SKAP2: variants seen among roughly 807,000 people sequenced by gnomAD.
The protein encoded by SKAP2 is src kinase-associated phosphoprotein 2.
SKAP2 carries 28 observed loss-of-function variants against 54.9 expected under a neutral mutation model. The ratio of observed to expected loss-of-function variants is 0.51; its 90% CI spans 0.38 to 0.70. The LOEUF (loss-of-function observed/expected upper bound fraction) is 0.70. SKAP2 is among the 30% of genes least tolerant of loss of function. SKAP2 has a pLI of 0.00. For missense variants in SKAP2, 356 were observed against 424.1 expected (o/e 0.84, Z 1.41); for synonymous variants, 137 against 134.3 (o/e 1.02, Z -0.14).
In SKAP2 at chr7:26,726,603, A is replaced by C. The variant is rs932799206; in HGVS notation, c.594+279T>G. 1.7e-5 allele frequency: 4 copies of C among 239,288 alleles called. No individual in the cohort carries two copies. The East Asian group carries it at 4.0e-4, about 24-fold the overall frequency. 14.8% of individuals were successfully genotyped at this position (239,288 alleles called of 1,614,324 possible). On this transcript the variant is annotated intron_variant, in intron 7 of 12. Coordinates refer to ENST00000345317, the MANE Select transcript of SKAP2 (RefSeq NM_003930.5). The stretch of plus-strand genomic sequence containing the variant: ...GGAAGATCACCTAGTGCTATGCAAC[A>C]TGTGATCACCTATGTTCTATGCAAC...
chr7:26,742,750 GCAATCCC>G (rs1782480810), intron 4 of SKAP2, among the ~76,000 whole-genome samples: 1 of 151,974 alleles, frequency 6.6e-6, no homozygotes, highest in Non-Finnish European at 1.5e-5. Context: ...TACACTAATA[GCAATCCC>G]TGTAAACACT....
chr7:26,687,923 T>A (rs1216356244), intron 10 of SKAP2, among the ~76,000 whole-genome samples: 1 of 152,094 alleles, frequency 6.6e-6, no homozygotes, highest in African/African-American at 2.4e-5. Context: ...ATGATCTATA[T>A]TTTAAAAATT....
intron 11 of SKAP2, among the ~76,000 whole-genome samples, chr7:26,671,913 A>G (rs548270269): frequency 4.7e-4 from 72 of 152,206 alleles, no homozygotes; most frequent in African/African-American, 1.5e-3. Context: ...AATGAATACA[A>G]TTAAAGCCTA....
chr7:26,757,027 G>A (rs1328099979), intron 4 of SKAP2, among the ~76,000 whole-genome samples: 1 of 152,100 alleles, frequency 6.6e-6, no homozygotes, highest in Non-Finnish European at 1.5e-5. Context: ...TGATGGGGTT[G>A]TTTTTTTCTT....
intron 6 of SKAP2, among the ~76,000 whole-genome samples, chr7:26,729,131 A>G (rs1787769977): frequency 6.6e-6 from 1 of 152,146 alleles, no homozygotes; most frequent in Admixed American, 6.6e-5. Context: ...CCCAACTCAG[A>G]CTAGCAGATT....
chr7:26,735,241 G>GTGAA (rs1404483305), intron 6 of SKAP2, among the ~76,000 whole-genome samples: 3 of 152,244 alleles, frequency 2.0e-5, no homozygotes, highest in South Asian at 2.1e-4. Flanking sequence ...GAATGAGTAA[G>GTGAA]TGAATGAATG....
chr7:26,677,236 C>CA (rs1786369380), intron 11 of SKAP2, among the ~76,000 whole-genome samples: 1 of 151,682 alleles, frequency 6.6e-6, no homozygotes, highest in Admixed American at 6.6e-5. Flanking sequence ...ACTAAAAATA[C>CA]AAAAAATTAG....
chr7:26,855,676 T>C (rs1785147420), intron 1 of SKAP2, among the ~76,000 whole-genome samples: 1 of 152,132 alleles, frequency 6.6e-6, no homozygotes, highest in Non-Finnish European at 1.5e-5. Context: ...TTTAGTAAAC[T>C]TCTAAATTAC....
intron 10 of SKAP2, among the ~76,000 whole-genome samples, chr7:26,686,776 G>A (rs868312552): frequency 2.6e-5 from 4 of 152,242 alleles, no homozygotes; most frequent in South Asian, 4.1e-4. Context: ...TTAGAGCAAA[G>A]AGAGGATGAC....
chr7:26,715,347 T>C (rs1787405923), intron 9 of SKAP2, among the ~76,000 whole-genome samples: 1 of 144,740 alleles, frequency 6.9e-6, no homozygotes, highest in Non-Finnish European at 1.5e-5. Flanking sequence ...AATCTGATCT[T>C]TTTTTTACAG....
At chr7:26,694,968 A>G (rs1459733296) in intron 9 of SKAP2, among the ~76,000 whole-genome samples, 2 of 152,168 alleles carry the variant, frequency 1.3e-5, no homozygotes, top group Non-Finnish European at 2.9e-5. Context: ...TCTTTAGGAT[A>G]AATAACCAAA....
chr7:26,660,587 A>G, the SKAP2 span, among the ~76,000 whole-genome samples: 1 of 152,048 alleles, frequency 6.6e-6, no homozygotes, highest in African/African-American at 2.4e-5. Flanking sequence ...TCACTTAGGA[A>G]AAGTTTAGAA....
chr7:26,714,386 C>T (rs990426376), intron 9 of SKAP2, among the ~76,000 whole-genome samples: 11 of 152,134 alleles, frequency 7.2e-5, no homozygotes, highest in African/African-American at 2.4e-4. Context: ...GTTATTTCTT[C>T]GTAAAAATTC....
At chr7:26,857,520 G>T (rs1785196110) in intron 1 of SKAP2, 1 of 985,314 alleles carries the variant, frequency 1.0e-6, no homozygotes, top group South Asian at 4.7e-5. Context: ...TGCCGGTGGC[G>T]TTCGGCCGGT....
intron 4 of SKAP2, among the ~76,000 whole-genome samples, chr7:26,750,555 C>T (rs1005053673): frequency 3.3e-5 from 5 of 152,064 alleles, no homozygotes; most frequent in Non-Finnish European, 5.9e-5. Flanking sequence ...AGCTGATCCA[C>T]CCACCTTGGC....
At chr7:26,689,337 G>T (rs1584332303) in intron 10 of SKAP2, among the ~76,000 whole-genome samples, 2 of 152,262 alleles carry the variant, frequency 1.3e-5, no homozygotes, top group South Asian at 2.1e-4. Context: ...TGATAAGAAG[G>T]CAGTCTTTCT....
intron 4 of SKAP2, among the ~76,000 whole-genome samples, chr7:26,768,937 G>C (rs1263697264): frequency 9.0e-4 from 137 of 152,114 alleles, no homozygotes; most frequent in Non-Finnish European, 5.9e-5. Context: ...ATGGGTCTTG[G>C]GGTTGCTCTT....
intron 4 of SKAP2, among the ~76,000 whole-genome samples, chr7:26,812,235 T>C (rs967050162): frequency 2.6e-5 from 4 of 152,180 alleles, no homozygotes; most frequent in Non-Finnish European, 5.9e-5. Flanking sequence ...AGTAAGTAAA[T>C]AGAGTGATGG....
At chr7:26,657,049 C>G in the SKAP2 span, among the ~76,000 whole-genome samples, 1 of 152,260 alleles carries the variant, frequency 6.6e-6, no homozygotes, top group African/African-American at 2.4e-5. Context: ...CAGGCTTTAT[C>G]TTGGATCCAA....
Sources: allele counts gnomAD v4.1 joint callset (sites outside exome capture counted in the v4.1 genomes callset), GRCh38; gene constraint gnomAD v4.1.1; transcripts MANE v1.5; gene names NCBI Gene and HGNC (gene_info 2026-07-23, HGNC 2026-07-21).